The following PCDHA2 variants were observed in gnomAD, a reference collection of about 807,000 sequenced individuals.
PCDHA2 encodes protocadherin alpha-2.
PCDHA2 carries 58 observed loss-of-function variants against 66.0 expected under a neutral mutation model. That is an observed-to-expected ratio of 0.88 (90% CI 0.71 to 1.09). PCDHA2 has a LOEUF of 1.09. Ranked by LOEUF, PCDHA2 falls within the 50% of genes least tolerant of loss-of-function variation. The pLI, the probability that PCDHA2 is intolerant of heterozygous loss-of-function variation, is 0.00. For synonymous variants in PCDHA2, 634 were observed against 554.0 expected, an observed-to-expected ratio of 1.14 and a Z score of -2.03; for missense variants, 1,267 against 1,242.3, an observed-to-expected ratio of 1.02 and a Z score of -0.30.
At position 140,795,833 on chromosome 5, in the gene PCDHA2, A is replaced by G; in HGVS notation, c.869A>G (p.Gln290Arg). ...GGTAGTGATGTGTCCTCCACTATAC[A>G]GACTAAGTTTACCATAGATCCCATC... Reference protein sequence around the residue: ...SLGSDVSSTIQTKFTIDPISG... With the variant: ...SLGSDVSSTIRTKFTIDPISG... Residue 290 changes from glutamine to arginine, a missense_variant, in exon 1 of 4, where the codon CAG becomes CGG. By Grantham distance (43) the Gln-to-Arg change is conservative. Transcript: ENST00000526136. 1 of 1,613,934 alleles carries G rather than the reference A, an allele frequency of 6.2e-7. No homozygotes were observed. The highest frequency in any genetic ancestry group is 8.5e-7 in the Non-Finnish European group (1 of 1,179,966).
chr5:140,841,770 C>A lies in PCDHA2; in HGVS notation c.2388+44418C>A, dbSNP rs148555729. 329 of 1,613,798 alleles carry A rather than the reference C, an allele frequency of 2.0e-4. 2 individuals carry two copies. The highest frequency in any genetic ancestry group is 3.6e-5 in the Non-Finnish European group (43 of 1,179,882). ...GTTTCAGAATCCAGAATGCCAGACT[C>A]TCGGTTTCCGCTAGAGGGCGCGTCC... On this transcript the variant is annotated intron_variant, in intron 1 of 3. Transcript: ENST00000526136.
intron 1 of PCDHA2, chr5:140,884,290 A>G: frequency 6.2e-7 from 1 of 1,613,642 alleles, no homozygotes; most frequent in Non-Finnish European, 8.5e-7. Flanking sequence ...AGAGCGGCCA[A>G]GCGCCACAGG....
At chr5:140,949,042 G>A (rs2094338452) in intron 1 of PCDHA2, among the ~76,000 whole-genome samples, 2 of 151,644 alleles carry the variant, frequency 1.3e-5, no homozygotes, top group African/African-American at 2.4e-5. Flanking sequence ...TTAAAAGTAT[G>A]TTCTAATTTC....
At chr5:140,989,527 G>A (rs1172019994) in intron 3 of PCDHA2, among the ~76,000 whole-genome samples, 1 of 152,192 alleles carries the variant, frequency 6.6e-6, no homozygotes, top group Non-Finnish European at 1.5e-5. Flanking sequence ...GGGCAGAGGA[G>A]GAAGATAGTT....
chr5:140,973,754 G>A (rs2096600951), intron 1 of PCDHA2, among the ~76,000 whole-genome samples: 1 of 152,198 alleles, frequency 6.6e-6, no homozygotes, highest in South Asian at 2.1e-4. Flanking sequence ...CACTCTGCAG[G>A]GACACAGCCT....
At chr5:140,879,347 T>C (rs530902728) in intron 1 of PCDHA2, among the ~76,000 whole-genome samples, 44 of 152,324 alleles carry the variant, frequency 2.9e-4, no homozygotes, top group African/African-American at 1.0e-3. Context: ...GCTGAGAAGA[T>C]GACATTGCCA....
At chr5:140,874,372 A>C (rs1055265865) in intron 1 of PCDHA2, among the ~76,000 whole-genome samples, 1 of 152,362 alleles carries the variant, frequency 6.6e-6, no homozygotes, top group South Asian at 2.1e-4. Context: ...TAAACTCATG[A>C]AAGGTCTTTT....
intron 1 of PCDHA2, chr5:140,802,435 T>TG: frequency 6.2e-7 from 1 of 1,614,234 alleles, no homozygotes; most frequent in Non-Finnish European, 8.5e-7. Flanking sequence ...GACAGCCCTC[T>TG]GGACCGCGAG....
chr5:140,981,037 A>T (rs1427761331), intron 2 of PCDHA2, among the ~76,000 whole-genome samples: 1 of 152,204 alleles, frequency 6.6e-6, no homozygotes, highest in Non-Finnish European at 1.5e-5. Context: ...TTTGGGGAAA[A>T]AAAACAGATA....
intron 1 of PCDHA2, among the ~76,000 whole-genome samples, chr5:140,932,531 G>A (rs1379233805): frequency 4.6e-5 from 7 of 151,752 alleles, no homozygotes; most frequent in Non-Finnish European, 8.9e-5. Context: ...TGGCATTCAA[G>A]GTGCTTTATT....
At chr5:140,871,450 G>C (rs781785142) in intron 1 of PCDHA2, 1 of 1,608,836 alleles carries the variant, frequency 6.2e-7, no homozygotes, top group Non-Finnish European at 8.5e-7. Flanking sequence ...GAATAAAGAG[G>C]AGGAAGGGGA....
chr5:140,846,375 T>TC lies in PCDHA2; in HGVS notation c.2388+49023_2388+49024insC, dbSNP rs1272448180. Among the ~76,000 whole-genome samples, 317 of 125,476 alleles carry TC rather than the reference T, an allele frequency of 2.5e-3. 15 individuals carry two copies. The highest frequency in any genetic ancestry group is 0.01 in the African/African-American group (304 of 29,966). The allele number at this position is 125,476 out of a possible 152,430, so 82.3% of individuals were successfully genotyped here. A position where few individuals can be genotyped will look rare whatever the true frequency, so the allele number is the denominator to read the frequency against. On this transcript the variant is annotated intron_variant, in intron 1 of 3. Transcript: ENST00000526136. ...TTTTTCTTTTCTTTTCTTTCTTTCT[T>TC]TTTTTTTTTTTTTTTTTGAGACGGA...
At chr5:140,859,768 T>A (rs1469606357) in intron 1 of PCDHA2, 1 of 152,934 alleles carries the variant, frequency 6.5e-6, no homozygotes, top group Non-Finnish European at 1.5e-5. Flanking sequence ...ATACTCTCCA[T>A]GCCCTGTCTC....
At position 140,851,996 on chromosome 5, in the gene PCDHA2, G is replaced by A. The variant is rs782761862; in HGVS notation, c.2388+54644G>A. ...TACCTTTAGTGCAAGCTATTTGTTT[G>A]TTTTCTAATTTATAGTTTTAAAAAC... On this transcript the variant is annotated intron_variant, in intron 1 of 3. Transcript: ENST00000526136. The A allele has an allele frequency of 4.9e-4, 481 of 975,902 alleles. 33 individuals carry two copies. Among genetic ancestry groups the A allele is most frequent in the Admixed American group, 1.4e-3 (23 of 15,868 alleles). The allele number at this position is 975,902 out of a possible 1,614,324, so 60.5% of individuals were successfully genotyped here.
rs1311377754 is a variant in PCDHA2 at position 140,847,747 on chromosome 5, G to C, written c.2388+50395G>C. 1.3e-5 allele frequency: 2 copies of C among 149,564 alleles called. 1 individual carries two copies. The highest frequency in any genetic ancestry group is 3.0e-5 in the Non-Finnish European group (2 of 66,834). 9.3% of individuals were successfully genotyped at this position (149,564 alleles called of 1,614,324 possible). ...AGAGAAAAATATATTTTCTCCCCAC[G>C]CAACACAAGACCTTAAAGTCAATTC... On this transcript the variant is annotated intron_variant, in intron 1 of 3. Coordinates refer to ENST00000526136, the MANE Select transcript of PCDHA2 (RefSeq NM_018905.3).
intron 1 of PCDHA2, chr5:140,850,636 C>G (rs782210334): frequency 1.9e-6 from 3 of 1,598,538 alleles, no homozygotes; most frequent in Non-Finnish European, 2.6e-6. Context: ...TTGGTTCTCA[C>G]GCTGCTGCTG....
chr5:140,823,526 T>C, intron 1 of PCDHA2: 1 of 1,613,632 alleles, frequency 6.2e-7, no homozygotes, highest in South Asian at 1.1e-5. Flanking sequence ...CCGAGGTCAG[T>C]GGGTGCGGGC....
intron 1 of PCDHA2, among the ~76,000 whole-genome samples, chr5:140,846,375 T>TG (rs1272448180): frequency 8.0e-6 from 1 of 125,456 alleles, no homozygotes; most frequent in African/African-American, 3.3e-5. Flanking sequence ...CTTTCTTTCT[T>TG]TTTTTTTTTT....
At chr5:140,857,904 T>A (rs781796196) in intron 1 of PCDHA2, 3 of 1,597,710 alleles carry the variant, frequency 1.9e-6, no homozygotes, top group Admixed American at 3.4e-5. Context: ...GGTGCACGCA[T>A]CCCGTTTCGC....
Sources: gnomAD v4.1 joint callset for allele counts (sites outside exome capture counted in the v4.1 genomes callset) on GRCh38, gnomAD v4.1.1 for gene constraint, MANE v1.5 for transcripts, NCBI Gene and HGNC (gene_info 2026-07-23, HGNC 2026-07-21) for gene names.